Variants in CNTN5 observed in about 807,000 individuals in gnomAD.
The protein encoded by CNTN5 is contactin 5, also known as contactin-5.
In CNTN5, 77 loss-of-function variants were observed where a neutral mutation model predicts 129.1. The observed-to-expected ratio is 0.60, with a 90% CI of 0.50 to 0.72. The LOEUF (loss-of-function observed/expected upper bound fraction) is 0.72. CNTN5 is among the 30% of genes least tolerant of loss of function. The probability of loss-of-function intolerance (pLI) is 0.00; values close to 1 mark genes in which losing one functional copy is unlikely to be tolerated. For synonymous variants in CNTN5, 509 were observed against 465.6 expected (o/e 1.09, Z -1.20); for missense variants, 1,478 against 1,328.8 (o/e 1.11, Z -1.75).
At chr11:99,819,315 C>G (rs1946700358) in intron 3 of CNTN5, among the ~76,000 whole-genome samples, 6 of 39,642 alleles carry the variant, frequency 1.5e-4, no homozygotes, top group East Asian at 7.8e-4. Context: ...CTCCCCTCTC[C>G]TCCCCTCCCC....
At chr11:100,150,521 T>C (rs932521815) in intron 13 of CNTN5, among the ~76,000 whole-genome samples, 4 of 142,864 alleles carry the variant, frequency 2.8e-5, no homozygotes, top group Non-Finnish European at 6.2e-5. Flanking sequence ...AACTGATTTG[T>C]CAGTTAATCT....
chr11:99,411,457 T>C (rs1163674976), intron 2 of CNTN5, among the ~76,000 whole-genome samples: 2 of 152,044 alleles, frequency 1.3e-5, no homozygotes, highest in African/African-American at 4.8e-5. Context: ...GAAATGGAGG[T>C]TGCAGCAAGC....
intron 1 of CNTN5, among the ~76,000 whole-genome samples, chr11:99,077,873 C>G (rs148363953): frequency 4.6e-5 from 7 of 152,078 alleles, no homozygotes; most frequent in African/African-American, 1.7e-4. Context: ...GCAGCCTATC[C>G]GGCAGAACTG....
intron 1 of CNTN5, among the ~76,000 whole-genome samples, chr11:99,173,773 A>G (rs1261137201): frequency 1.3e-5 from 2 of 152,182 alleles, no homozygotes; most frequent in African/African-American, 4.8e-5. Flanking sequence ...TCCTACTTTA[A>G]AAAGACTACT....
At chr11:99,121,310 T>A (rs1025912157) in intron 1 of CNTN5, among the ~76,000 whole-genome samples, 10 of 152,038 alleles carry the variant, frequency 6.6e-5, no homozygotes, top group Non-Finnish European at 1.2e-4. Flanking sequence ...AATTTTTGTA[T>A]TTTTAGTAGA....
chr11:99,465,953 C>T (rs1944920913), intron 2 of CNTN5, among the ~76,000 whole-genome samples: 1 of 145,064 alleles, frequency 6.9e-6, no homozygotes, highest in Non-Finnish European at 1.5e-5. Flanking sequence ...GCGATCTCGG[C>T]TCACTGCAAG....
intron 2 of CNTN5, among the ~76,000 whole-genome samples, chr11:99,360,891 A>G (rs1006840224): frequency 6.6e-6 from 1 of 152,096 alleles, no homozygotes; most frequent in Non-Finnish European, 1.5e-5. Context: ...TTATCAATTC[A>G]TTTCTCTTCT....
intron 3 of CNTN5, among the ~76,000 whole-genome samples, chr11:99,750,751 A>G (rs948136447): frequency 1.3e-5 from 2 of 152,188 alleles, no homozygotes; most frequent in Non-Finnish European, 2.9e-5. Context: ...CACACGAACA[A>G]TATCTTTCTA....
intron 20 of CNTN5, among the ~76,000 whole-genome samples, chr11:100,301,446 T>C (rs762742686): frequency 4.0e-5 from 6 of 151,638 alleles, no homozygotes; most frequent in Non-Finnish European, 8.9e-5. Context: ...ATATTTTCTT[T>C]TAAAGACACT....
At chr11:99,851,056 T>TG (rs71050026) in intron 6 of CNTN5, among the ~76,000 whole-genome samples, 152,152 of 152,152 alleles carry the variant, frequency 1, 76,076 homozygotes, top group Non-Finnish European at 1. Context: ...CTAACAGATT[T>TG]AGCAGCTGCT....
chr11:99,755,419 G>C (rs1944374605), intron 3 of CNTN5, among the ~76,000 whole-genome samples: 1 of 152,092 alleles, frequency 6.6e-6, no homozygotes, highest in Admixed American at 6.5e-5. Context: ...TTTGGGCATT[G>C]TAAAAGGTAT....
At position 99,857,405 on chromosome 11, in the gene CNTN5, T is replaced by C. The variant is rs540609257; in HGVS notation, c.577+12143T>C. 2.8e-4 allele frequency among the ~76,000 whole-genome samples: 43 copies of C among 152,270 alleles called. No individual in the cohort carries two copies. In the South Asian group the frequency reaches 8.9e-3, roughly 32 times the overall value. Reference sequence around the variant, plus strand: ...AAAAAGAATTCCCTTATGACACCTATGAGAAGAATGATTTCTTAGGAGGAA... The same window carrying C: ...AAAAAGAATTCCCTTATGACACCTACGAGAAGAATGATTTCTTAGGAGGAA... On this transcript the variant is annotated intron_variant, in intron 6 of 24. Transcript: ENST00000524871.
intron 13 of CNTN5, among the ~76,000 whole-genome samples, chr11:100,104,476 A>G (rs1419548337): frequency 6.6e-6 from 1 of 152,152 alleles, no homozygotes; most frequent in Non-Finnish European, 1.5e-5. Context: ...CACATATAAT[A>G]ACTATCTTTT....
At chr11:99,919,166 GCT>G (rs1195559974) in intron 7 of CNTN5, among the ~76,000 whole-genome samples, 1 of 152,132 alleles carries the variant, frequency 6.6e-6, no homozygotes, top group Non-Finnish European at 1.5e-5. Flanking sequence ...GTCTTTACGT[GCT>G]CTTTTTCTTG....
rs376376406 is a variant in CNTN5 at position 99,542,490 on chromosome 11, G to A, written c.-70-13655G>A. Among the ~76,000 whole-genome samples the A allele has an allele frequency of 8.6e-4, 131 of 152,210 alleles. 2 individuals carry two copies. In the South Asian group the frequency reaches 0.026, roughly 31 times the overall value. ...ATTGAGGAAGGCTGAATATTATTAG[G>A]TTGTTCCAAAATAATTGTGGGTTTT... On this transcript the variant is annotated intron_variant, in intron 2 of 24. Transcript: ENST00000524871.
At position 100,321,238 on chromosome 11, in the gene CNTN5, T is replaced by C. The variant is rs1591512409; in HGVS notation, c.2730+12770T>C. On this transcript the variant is annotated intron_variant, in intron 21 of 24. Coordinates refer to ENST00000524871, the MANE Select transcript of CNTN5 (RefSeq NM_014361.4). ...TCTTTGATTTTTTTAATCAATGTTTTATAGTGTTTAATTTAGAAATCCTTC... is the reference window on the plus strand; with the variant it reads ...TCTTTGATTTTTTTAATCAATGTTTCATAGTGTTTAATTTAGAAATCCTTC... Among the ~76,000 whole-genome samples, 3 of 152,116 alleles carry C rather than the reference T, an allele frequency of 2.0e-5. No individual in the cohort carries two copies. In the South Asian group the frequency reaches 6.2e-4, roughly 32 times the overall value.
chr11:99,301,658 T>A (rs1292764531), intron 1 of CNTN5, among the ~76,000 whole-genome samples: 1 of 151,764 alleles, frequency 6.6e-6, no homozygotes, highest in Non-Finnish European at 1.5e-5. Flanking sequence ...CATAACCCCA[T>A]TTTTAATAAT....
intron 2 of CNTN5, among the ~76,000 whole-genome samples, chr11:99,390,774 A>G (rs1941218886): frequency 6.6e-6 from 1 of 152,108 alleles, no homozygotes; most frequent in Non-Finnish European, 1.5e-5. Flanking sequence ...ATCTTTCCTG[A>G]TATAATTATA....
intron 3 of CNTN5, among the ~76,000 whole-genome samples, chr11:99,724,149 C>T (rs956784092): frequency 3.9e-5 from 6 of 152,092 alleles, no homozygotes; most frequent in African/African-American, 1.4e-4. Flanking sequence ...GAACAGGCTC[C>T]TCTTCAGTGC....
Sources: allele counts gnomAD v4.1 joint callset (sites outside exome capture counted in the v4.1 genomes callset), GRCh38; gene constraint gnomAD v4.1.1; transcripts MANE v1.5; gene names NCBI Gene and HGNC (gene_info 2026-07-23, HGNC 2026-07-21).